MAML3: variants seen among roughly 807,000 people sequenced by gnomAD.
MAML3 encodes mastermind like transcriptional coactivator 3.
In MAML3, 27 loss-of-function variants were observed where a neutral mutation model predicts 101.9. The observed-to-expected ratio is 0.27, with a 90% CI of 0.20 to 0.37. MAML3 has a LOEUF of 0.37. MAML3 is among the 10% of genes least tolerant of loss of function. The pLI is 1.00. For synonymous variants in MAML3, 501 were observed against 555.9 expected (o/e 0.90, Z 1.39); for missense variants, 1,316 against 1,444.9 (o/e 0.91, Z 1.45).
intron 2 of MAML3, among the ~76,000 whole-genome samples, chr4:139,833,356 C>T (rs1731203191): frequency 6.6e-6 from 1 of 152,186 alleles, no homozygotes; most frequent in African/African-American, 2.4e-5. Context: ...GACATCTGTT[C>T]CATTACTCCA....
chr4:139,795,543 G>A (rs1371726939), intron 2 of MAML3, among the ~76,000 whole-genome samples: 3 of 152,120 alleles, frequency 2.0e-5, no homozygotes, highest in Non-Finnish European at 4.4e-5. Flanking sequence ...GAGGCACCAC[G>A]GTTCTTGTGT....
chr4:140,134,021 C>T, intron 1 of MAML3: 1 of 429,364 alleles, frequency 2.3e-6, no homozygotes, highest in Non-Finnish European at 4.7e-6. Flanking sequence ...CTCATCCCTT[C>T]TGCCATCTCT....
At chr4:139,952,734 T>C (rs1733852462) in intron 1 of MAML3, among the ~76,000 whole-genome samples, 1 of 152,166 alleles carries the variant, frequency 6.6e-6, no homozygotes, top group Non-Finnish European at 1.5e-5. Flanking sequence ...ATATATGACT[T>C]AGTTCTTGAC....
At chr4:139,989,904 G>T (rs897682912) in intron 1 of MAML3, among the ~76,000 whole-genome samples, 10 of 150,536 alleles carry the variant, frequency 6.6e-5, no homozygotes, top group Non-Finnish European at 1.3e-4. Flanking sequence ...GAGAGAGAAA[G>T]AGAGAGAGAG....
chr4:140,143,896 A>T (rs753225283), intron 1 of MAML3, among the ~76,000 whole-genome samples: 3 of 152,192 alleles, frequency 2.0e-5, no homozygotes, highest in African/African-American at 7.2e-5. Context: ...ACTTCTTCCC[A>T]GGCATCCTTC....
chr4:139,902,058 A>G (rs1180820882), intron 1 of MAML3, among the ~76,000 whole-genome samples: 1 of 152,210 alleles, frequency 6.6e-6, no homozygotes, highest in Non-Finnish European at 1.5e-5. Flanking sequence ...GTATTGAAAT[A>G]AGATCTCTTA....
At chr4:139,851,299 T>C (rs1278589917) in intron 2 of MAML3, among the ~76,000 whole-genome samples, 1 of 152,220 alleles carries the variant, frequency 6.6e-6, no homozygotes, top group Non-Finnish European at 1.5e-5. Context: ...TTGCCCTGCA[T>C]GTTTGACATC....
chr4:139,947,316 T>A (rs932732524), intron 1 of MAML3, among the ~76,000 whole-genome samples: 1 of 152,216 alleles, frequency 6.6e-6, no homozygotes, highest in Non-Finnish European at 1.5e-5. Flanking sequence ...TAAATGGACA[T>A]GGATAGCTAT....
At chr4:140,142,160 T>A (rs1055595944) in intron 1 of MAML3, among the ~76,000 whole-genome samples, 1 of 145,546 alleles carries the variant, frequency 6.9e-6, no homozygotes, top group Non-Finnish European at 1.5e-5. Flanking sequence ...CTAAAATATA[T>A]GAAAGAGAAA....
intron 1 of MAML3, among the ~76,000 whole-genome samples, chr4:139,957,057 A>G (rs1374258458): frequency 6.6e-6 from 1 of 152,212 alleles, no homozygotes; most frequent in Non-Finnish European, 1.5e-5. Context: ...CAACTTGTCC[A>G]ACGTCACACA....
chr4:140,099,751 C>T (rs1728224963), intron 1 of MAML3, among the ~76,000 whole-genome samples: 1 of 152,192 alleles, frequency 6.6e-6, no homozygotes, highest in Non-Finnish European at 1.5e-5. Flanking sequence ...TCTCCAACCT[C>T]CCTTCCCCAA....
chr4:140,082,606 C>A (rs901286731), intron 1 of MAML3, among the ~76,000 whole-genome samples: 1 of 152,140 alleles, frequency 6.6e-6, no homozygotes, highest in Non-Finnish European at 1.5e-5. Context: ...ATACAGCTCC[C>A]GACCTCACAG....
intron 4 of MAML3, among the ~76,000 whole-genome samples, chr4:139,722,659 T>C (rs6816496): frequency 0.13 from 19,736 of 152,196 alleles, 1,404 homozygotes; most frequent in Middle Eastern, 0.17. Flanking sequence ...AAAATAAGTA[T>C]TTCCCCATAG....
At position 139,889,514 on chromosome 4, in the gene MAML3, T is replaced by C; in HGVS notation, c.1922A>G (p.Gln641Arg). ...CTGCTGCTGCTGCTGCTGCTGTTGCTGTTGCTGCTGCTGTTGCTGCTGCTG... is the reference window on the plus strand; with the variant it reads ...CTGCTGCTGCTGCTGCTGCTGTTGCCGTTGCTGCTGCTGTTGCTGCTGCTG... ...YIQQQQQQQQ[Q>R]QQQQQQQQQP... The change falls in exon 2 of 5, where the codon CAG (glutamine) becomes CGG (arginine). Residue 641 changes from glutamine to arginine, a missense_variant. Coordinates refer to ENST00000509479, the MANE Select transcript of MAML3 (RefSeq NM_018717.5). 5 of 1,610,300 alleles carry C rather than the reference T, an allele frequency of 3.1e-6. No homozygotes were observed.
chr4:139,842,735 A>G (rs1369107722), intron 2 of MAML3, among the ~76,000 whole-genome samples: 1 of 119,514 alleles, frequency 8.4e-6, no homozygotes, highest in Admixed American at 1.1e-4. Flanking sequence ...TCAGGCTCGA[A>G]CTCCTGGCCT....
At chr4:139,799,788 G>C (rs866555868) in intron 2 of MAML3, among the ~76,000 whole-genome samples, 87 of 152,286 alleles carry the variant, frequency 5.7e-4, no homozygotes, top group African/African-American at 2.0e-3. Flanking sequence ...AAGTGAGGAG[G>C]GCAAGGCACA....
In MAML3 at chr4:140,154,046, A is replaced by G. The variant is rs1360331250; in HGVS notation, c.-719T>C. 6.2e-6 allele frequency: 1 copy of G among 161,646 alleles called. No homozygotes were observed. The highest frequency in any genetic ancestry group is 1.4e-5 in the Non-Finnish European group (1 of 73,138). The allele number at this position is 161,646 out of a possible 1,614,324, so 10.0% of individuals were successfully genotyped here. A position where few individuals can be genotyped will look rare whatever the true frequency, so the allele number is the denominator to read the frequency against. On this transcript the variant is annotated 5_prime_UTR_variant, in exon 1 of 5. Coordinates refer to ENST00000509479, the MANE Select transcript of MAML3 (RefSeq NM_018717.5). ...AAACGCCGCGCAGAGAGCAGCACCT[A>G]ACGCTCGGCTGGGCTGCCGCTGCCG... is the stretch of plus-strand genomic sequence containing the variant.
intron 2 of MAML3, among the ~76,000 whole-genome samples, chr4:139,832,639 G>A (rs1209726410): frequency 6.6e-6 from 1 of 152,174 alleles, no homozygotes; most frequent in African/African-American, 2.4e-5. Context: ...CCAACAACAG[G>A]AATTGTGCCT....
In MAML3 at chr4:140,025,712, G is replaced by C. The variant is rs1578648364; in HGVS notation, c.468+127148C>G. On this transcript the variant is annotated intron_variant, in intron 1 of 4. Transcript: ENST00000509479. Reference sequence around the variant, plus strand: ...GTTTCAGGAAGATTTTACAACACCAGCTGTCAGCTCTAGATATACTGTTGC... The same window carrying C: ...GTTTCAGGAAGATTTTACAACACCACCTGTCAGCTCTAGATATACTGTTGC... Among the ~76,000 whole-genome samples, 3 of 152,288 alleles carry C rather than the reference G, an allele frequency of 2.0e-5. No individual in the cohort carries two copies. The South Asian group carries it at 6.2e-4, about 32-fold the overall frequency.
Sources: gnomAD v4.1 joint callset for allele counts (sites outside exome capture counted in the v4.1 genomes callset) on GRCh38, gnomAD v4.1.1 for gene constraint, MANE v1.5 for transcripts, NCBI Gene and HGNC (gene_info 2026-07-23, HGNC 2026-07-21) for gene names.